The following CAMK1D variants were observed in gnomAD, a reference collection of about 807,000 sequenced individuals.
CAMK1D encodes the protein calcium/calmodulin dependent protein kinase ID, also known as calcium/calmodulin-dependent protein kinase type 1D.
A neutral mutation model predicts 47.7 loss-of-function variants in CAMK1D; 9 were observed. The ratio of observed to expected loss-of-function variants is 0.19; its 90% CI spans 0.11 to 0.33. CAMK1D has a LOEUF of 0.33. Among genes scored for constraint, CAMK1D ranks in the 10% least tolerant of loss-of-function variants. CAMK1D has a pLI of 1.00. For missense variants in CAMK1D, 291 were observed against 488.7 expected (o/e 0.60, Z 3.81); for synonymous variants, 184 against 184.9 (o/e 0.99, Z 0.04).
intron 1 of CAMK1D, among the ~76,000 whole-genome samples, chr10:12,463,134 T>G (rs760488152): frequency 5.9e-5 from 9 of 151,950 alleles, no homozygotes; most frequent in Non-Finnish European, 1.0e-4. Flanking sequence ...CTAAGAGTTT[T>G]TTTTTTTTTT....
chr10:12,754,698 T>C (rs1375922236), intron 3 of CAMK1D, among the ~76,000 whole-genome samples: 1 of 152,188 alleles, frequency 6.6e-6, no homozygotes, highest in East Asian at 1.9e-4. Context: ...TGATTTCTCT[T>C]GAGGCGTCTT....
intron 3 of CAMK1D, among the ~76,000 whole-genome samples, chr10:12,710,332 T>G (rs919140736): frequency 2.0e-4 from 31 of 152,212 alleles, no homozygotes; most frequent in Admixed American, 2.0e-4. Context: ...TTCTGGACAG[T>G]GTCTTGATAA....
Position 12,828,831 on chromosome 10 carries a change from G to A in CAMK1D, c.1102G>A (p.Ala368Thr), listed in dbSNP as rs1219887504. 6 of 1,613,770 alleles carry A rather than the reference G, an allele frequency of 3.7e-6. No homozygotes were observed. In the Admixed American group the frequency reaches 8.3e-5, roughly 22 times the overall value. Residue 368 changes from alanine (A) to threonine (T), a missense_variant, in exon 11 of 11, where the codon GCC becomes ACC. Around this residue, in one of 2 missense-constraint regions of CAMK1D, gnomAD observed 72 missense variants for 64.4 expected, o/e 1.12. Coordinates refer to ENST00000619168, the MANE Select transcript of CAMK1D (RefSeq NM_153498.4). ...TTCGTCGGGGGTCTCAGGAGTTGGA[G>A]CCGAGCGGAGACCCAGGCCCACCAC... is the stretch of plus-strand genomic sequence containing the variant. The part of the protein sequence containing the change: ...SSSSGVSGVG[A>T]ERRPRPTTVT...
chr10:12,820,132 CG>C (rs1394726566), intron 8 of CAMK1D, among the ~76,000 whole-genome samples: 1 of 152,140 alleles, frequency 6.6e-6, no homozygotes, highest in African/African-American at 2.4e-5. Flanking sequence ...CTCCGCTTCC[CG>C]GGTTCAAACG....
chr10:12,425,423 A>AC (rs1840197924), intron 1 of CAMK1D, among the ~76,000 whole-genome samples: 1 of 151,708 alleles, frequency 6.6e-6, no homozygotes, highest in African/African-American at 2.4e-5. Context: ...CTGAGACTAT[A>AC]CACGTGTGCC....
At chr10:12,575,846 C>T (rs200391377) in intron 2 of CAMK1D, among the ~76,000 whole-genome samples, 4 of 152,094 alleles carry the variant, frequency 2.6e-5, no homozygotes, top group Non-Finnish European at 5.9e-5. Flanking sequence ...CCTAAACCAA[C>T]CTTCACAAAA....
chr10:12,783,683 A>G (rs537455894), intron 5 of CAMK1D, among the ~76,000 whole-genome samples: 1 of 152,300 alleles, frequency 6.6e-6, no homozygotes, highest in South Asian at 2.1e-4. Flanking sequence ...GGTAAGGAAA[A>G]TGGGCAATTT....
intron 3 of CAMK1D, among the ~76,000 whole-genome samples, chr10:12,720,259 G>T (rs1412984541): frequency 6.6e-6 from 1 of 152,194 alleles, no homozygotes; most frequent in Non-Finnish European, 1.5e-5. Flanking sequence ...ACCCAGCCTG[G>T]TCCGTCTGCA....
At chr10:12,501,650 AT>A (rs11295384) in intron 1 of CAMK1D, among the ~76,000 whole-genome samples, 117,967 of 151,928 alleles carry the variant, frequency 0.78, 46,021 homozygotes, top group East Asian at 0.98. Flanking sequence ...ACTGAGAGTG[AT>A]TTTTTTTCCC....
At chr10:12,425,243 A>G (rs149234553) in intron 1 of CAMK1D, among the ~76,000 whole-genome samples, 118 of 150,574 alleles carry the variant, frequency 7.8e-4, no homozygotes, top group African/African-American at 2.7e-3. Context: ...TCTCTTCAGC[A>G]CTAGATAAGG....
chr10:12,598,707 T>C (rs999577696), intron 2 of CAMK1D, among the ~76,000 whole-genome samples: 1 of 152,214 alleles, frequency 6.6e-6, no homozygotes, highest in African/African-American at 2.4e-5. Context: ...GGTGGGTTTC[T>C]GGAAAAGCCT....
At chr10:12,495,668 T>C (rs1041595316) in intron 1 of CAMK1D, among the ~76,000 whole-genome samples, 6 of 152,164 alleles carry the variant, frequency 3.9e-5, no homozygotes, top group Non-Finnish European at 5.9e-5. Context: ...AGGATGAAAA[T>C]ACTCCAACAG....
At chr10:12,778,556 C>G (rs796253440) in intron 5 of CAMK1D, among the ~76,000 whole-genome samples, 14 of 152,262 alleles carry the variant, frequency 9.2e-5, no homozygotes, top group African/African-American at 3.4e-4. Context: ...TCATGTGAGG[C>G]AGTGTATTTC....
intron 2 of CAMK1D, among the ~76,000 whole-genome samples, chr10:12,594,831 C>T (rs1838096304): frequency 6.6e-6 from 1 of 152,138 alleles, no homozygotes; most frequent in African/African-American, 2.4e-5. Flanking sequence ...GTTCAAGTCC[C>T]AGGAAGTGGT....
intron 1 of CAMK1D, among the ~76,000 whole-genome samples, chr10:12,382,889 CT>C (rs1326188130): frequency 2.0e-5 from 3 of 152,054 alleles, no homozygotes; most frequent in Admixed American, 1.3e-4. Flanking sequence ...CTTCCTAGCA[CT>C]TTGATTAAAT....
At chr10:12,500,424 C>T (rs1834666148) in intron 1 of CAMK1D, among the ~76,000 whole-genome samples, 1 of 152,182 alleles carries the variant, frequency 6.6e-6, no homozygotes, top group African/African-American at 2.4e-5. Context: ...TGAGACATAG[C>T]ATTGCCCAGG....
chr10:12,658,463 A>C (rs896455510), intron 2 of CAMK1D, among the ~76,000 whole-genome samples: 9 of 152,030 alleles, frequency 5.9e-5, no homozygotes, highest in African/African-American at 2.2e-4. Context: ...AGGGAAAGTC[A>C]TGGTCCATGC....
chr10:12,410,926 G>T (rs1465989017), intron 1 of CAMK1D, among the ~76,000 whole-genome samples: 3 of 152,214 alleles, frequency 2.0e-5, no homozygotes, highest in Non-Finnish European at 4.4e-5. Context: ...AATTGCCAAA[G>T]GCGGCAGAGG....
At chr10:12,511,922 C>T (rs1835053309) in intron 1 of CAMK1D, among the ~76,000 whole-genome samples, 2 of 152,240 alleles carry the variant, frequency 1.3e-5, no homozygotes, top group East Asian at 1.9e-4. Flanking sequence ...TCCCTGGCTC[C>T]ATGCCGTGAA....
Sources: gnomAD v4.1 joint callset for allele counts (sites outside exome capture counted in the v4.1 genomes callset) on GRCh38, gnomAD v4.1.1 for gene constraint, gnomAD v4.1.1 regional missense constraint, MANE v1.5 for transcripts, NCBI Gene and HGNC (gene_info 2026-07-23, HGNC 2026-07-21) for gene names.